ZNF385D: variants seen among roughly 807,000 people sequenced by gnomAD.
ZNF385D encodes the protein zinc finger protein 659.
In ZNF385D, 15 loss-of-function variants were observed where a neutral mutation model predicts 35.8. The observed-to-expected ratio is 0.42, with a 90% CI of 0.28 to 0.64. ZNF385D has a LOEUF of 0.64. ZNF385D is among the 30% of genes least tolerant of loss of function. The pLI, the probability that ZNF385D is intolerant of heterozygous loss-of-function variation, is 0.23. For missense variants in ZNF385D, 474 were observed against 494.6 expected (o/e 0.96, Z 0.39); for synonymous variants, 212 against 186.8 (o/e 1.13, Z -1.10).
chr3:22,066,450 A>G (rs1699957180), intron 3 of ZNF385D, among the ~76,000 whole-genome samples: 1 of 112,056 alleles, frequency 8.9e-6, no homozygotes, highest in South Asian at 3.0e-4. Flanking sequence ...ATACTGGGTG[A>G]GATGGTTCCC....
chr3:21,965,987 G>A (rs1702891617), intron 3 of ZNF385D, among the ~76,000 whole-genome samples: 1 of 152,254 alleles, frequency 6.6e-6, no homozygotes, highest in East Asian at 1.9e-4. Flanking sequence ...TGAAATTATA[G>A]AAAATGAAAA....
At chr3:21,543,240 G>A (rs2062243039) in intron 3 of ZNF385D, among the ~76,000 whole-genome samples, 1 of 152,178 alleles carries the variant, frequency 6.6e-6, no homozygotes, top group Non-Finnish European at 1.5e-5. Flanking sequence ...GAAGCTGGCT[G>A]GGAGGCGGAG....
chr3:21,631,286 C>A (rs965959691), intron 2 of ZNF385D, among the ~76,000 whole-genome samples: 5 of 152,040 alleles, frequency 3.3e-5, no homozygotes, highest in Non-Finnish European at 5.9e-5. Context: ...CTCTCCTACC[C>A]TTCCAAGGCA....
chr3:21,932,098 C>A (rs1457384700), intron 3 of ZNF385D, among the ~76,000 whole-genome samples: 1 of 131,886 alleles, frequency 7.6e-6, no homozygotes, highest in Non-Finnish European at 1.5e-5. Flanking sequence ...ATCCTGGAGG[C>A]GGAGCTTGCA....
intron 3 of ZNF385D, among the ~76,000 whole-genome samples, chr3:21,527,696 C>T (rs992062455): frequency 3.3e-5 from 5 of 151,912 alleles, no homozygotes; most frequent in African/African-American, 9.7e-5. Flanking sequence ...CTTGCTAAAT[C>T]ACCAAAACCT....
intron 2 of ZNF385D, among the ~76,000 whole-genome samples, chr3:22,321,169 T>TG (rs1476553955): frequency 6.8e-6 from 1 of 147,924 alleles, no homozygotes; most frequent in African/African-American, 2.5e-5. Context: ...ACCTTGTTTT[T>TG]TTTTTTTTTT....
At chr3:22,067,854 T>C (rs1437647995) in intron 3 of ZNF385D, among the ~76,000 whole-genome samples, 2 of 152,114 alleles carry the variant, frequency 1.3e-5, no homozygotes, top group Non-Finnish European at 2.9e-5. Context: ...AAACCCTGTC[T>C]CTACTAAAAA....
intron 3 of ZNF385D, among the ~76,000 whole-genome samples, chr3:21,757,459 G>T (rs1411292662): frequency 6.6e-6 from 1 of 152,054 alleles, no homozygotes; most frequent in Non-Finnish European, 1.5e-5. Flanking sequence ...TATTATATAT[G>T]TGACTCTTTC....
chr3:22,016,169 C>T (rs981320514), intron 3 of ZNF385D, among the ~76,000 whole-genome samples: 1 of 152,070 alleles, frequency 6.6e-6, no homozygotes, highest in African/African-American at 2.4e-5. Flanking sequence ...TCCCAACCAG[C>T]AGTGATTTTT....
chr3:22,027,813 C>A (rs544113832), intron 3 of ZNF385D, among the ~76,000 whole-genome samples: 4 of 152,286 alleles, frequency 2.6e-5, no homozygotes, highest in South Asian at 2.1e-4. Context: ...CCCCAGCCTG[C>A]AACAATGGCC....
chr3:21,564,421 A>G (rs1191602140), intron 3 of ZNF385D, among the ~76,000 whole-genome samples, 153 bp downstream of exon 3: 1 of 152,244 alleles, frequency 6.6e-6, no homozygotes, highest in Non-Finnish European at 1.5e-5. Context: ...AATAAACTCC[A>G]AAATTAAAGC....
intron 2 of ZNF385D, among the ~76,000 whole-genome samples, chr3:22,208,745 C>A (rs565112133): frequency 1.6e-4 from 25 of 151,622 alleles, no homozygotes; most frequent in Admixed American, 1.5e-3. Flanking sequence ...AATAATTATT[C>A]AGTATGCACA....
At chr3:21,427,173 A>G (rs1056539880) in intron 5 of ZNF385D, among the ~76,000 whole-genome samples, 64 of 152,304 alleles carry the variant, frequency 4.2e-4, no homozygotes, top group African/African-American at 1.4e-3. Flanking sequence ...GGAGCTGAAG[A>G]TGACATAAGT....
intron 1 of ZNF385D, among the ~76,000 whole-genome samples, chr3:21,738,067 TG>T (rs2069332239): frequency 6.6e-6 from 1 of 152,248 alleles, no homozygotes; most frequent in Non-Finnish European, 1.5e-5. Context: ...GAAAGGGACC[TG>T]GAGTCTTTCC....
intron 4 of ZNF385D, among the ~76,000 whole-genome samples, chr3:21,489,325 TA>T (rs1249310596): frequency 6.6e-6 from 1 of 152,126 alleles, no homozygotes; most frequent in Non-Finnish European, 1.5e-5. Flanking sequence ...CTGGGGCTAT[TA>T]AATCAGTGGA....
chr3:21,920,249 A>C (rs1700386934), intron 3 of ZNF385D, among the ~76,000 whole-genome samples: 1 of 152,126 alleles, frequency 6.6e-6, no homozygotes, highest in Non-Finnish European at 1.5e-5. Context: ...TTTTTGAGAG[A>C]GATATTGTGA....
intron 2 of ZNF385D, among the ~76,000 whole-genome samples, chr3:22,258,146 GATTC>G (rs1700411717): frequency 1.3e-5 from 2 of 151,688 alleles, no homozygotes; most frequent in Non-Finnish European, 3.0e-5. Context: ...AAATAGAACA[GATTC>G]CACTTTTAGT....
chr3:22,239,317 T>C (rs1699361790), intron 2 of ZNF385D, among the ~76,000 whole-genome samples: 1 of 150,998 alleles, frequency 6.6e-6, no homozygotes, highest in Non-Finnish European at 1.5e-5. Flanking sequence ...CATTGTGTAA[T>C]TACAACAGAG....
At chr3:21,865,587 T>A (rs1421160819) in intron 3 of ZNF385D, among the ~76,000 whole-genome samples, 1 of 152,146 alleles carries the variant, frequency 6.6e-6, no homozygotes, top group South Asian at 2.1e-4. Flanking sequence ...CAAAGCGTCA[T>A]ACATTGTATC....
Sources: allele counts gnomAD v4.1 joint callset (sites outside exome capture counted in the v4.1 genomes callset), GRCh38; gene constraint gnomAD v4.1.1; transcripts MANE v1.5; gene names NCBI Gene and HGNC (gene_info 2026-07-23, HGNC 2026-07-21).